Variants in PRKN observed in about 807,000 individuals in gnomAD.
PRKN encodes the protein E3 ubiquitin-protein ligase parkin.
PRKN carries 56 observed loss-of-function variants against 59.5 expected under a neutral mutation model. The ratio of observed to expected loss-of-function variants is 0.94; its 90% CI spans 0.76 to 1.18. PRKN has a LOEUF of 1.18. Among genes scored for constraint, PRKN ranks in the 50% most tolerant of loss-of-function variants. The pLI, the probability that PRKN is intolerant of heterozygous loss-of-function variation, is 0.00. For missense variants in PRKN, 657 were observed against 596.4 expected, an observed-to-expected ratio of 1.10 and a Z score of -1.06; for synonymous variants, 250 against 222.1, an observed-to-expected ratio of 1.13 and a Z score of -1.12.
chr6:161,768,325 C>T (rs935840103), intron 7 of PRKN, among the ~76,000 whole-genome samples: 2 of 152,152 alleles, frequency 1.3e-5, no homozygotes, highest in African/African-American at 4.8e-5. Flanking sequence ...TTTTCAATTA[C>T]ATGCGTGTGT....
chr6:162,257,782 C>T (rs74543398), intron 3 of PRKN, among the ~76,000 whole-genome samples: 1,800 of 152,200 alleles, frequency 0.012, 40 homozygotes, highest in African/African-American at 0.039. Flanking sequence ...GATTTGAAAA[C>T]CTTCCGGGTT....
rs564030900 is a variant in PRKN, at chr6:162,271,167, A to G, written c.172-8402T>C. Among the ~76,000 whole-genome samples the G allele has an allele frequency of 5.9e-5, 9 of 152,126 alleles. No individual in the cohort carries two copies. In the South Asian group the frequency reaches 1.9e-3, roughly 32 times the overall value. On this transcript the variant is annotated intron_variant, in intron 2 of 11. Coordinates refer to ENST00000366898, the MANE Select transcript of PRKN (RefSeq NM_004562.3). ...GGCCTGAGCCACTGCACCTGGCTTT[A>G]AGCAGATGTGGTTGGAAGCCCATCA...
Position 161,581,142 on chromosome 6 carries a change from C to T in PRKN, c.872-11726G>A, listed in dbSNP as rs1290546492. On this transcript the variant is annotated intron_variant, in intron 7 of 11. Transcript: ENST00000366898. The surrounding 1 kb of genome is among the most constrained non-coding windows in gnomAD (Gnocchi z 4.5). ...ACTGGGGAGGTTTGAACCTGGGAGG[C>T]AGAGGTTGCAGTGAGCCGAGATTGT... Among the ~76,000 whole-genome samples the T allele has an allele frequency of 2.0e-5, 3 of 149,896 alleles. No homozygotes were observed. Among genetic ancestry groups the T allele is most frequent in the African/African-American group, 7.4e-5 (3 of 40,490 alleles).
chr6:162,589,544 T>G (rs1414529025), intron 1 of PRKN, among the ~76,000 whole-genome samples: 1 of 152,086 alleles, frequency 6.6e-6, no homozygotes, highest in Non-Finnish European at 1.5e-5. Context: ...AACTTTAAAT[T>G]TAACTTTTAA....
Position 161,562,796 on chromosome 6 carries a change from C to T in PRKN, c.933+6559G>A, listed in dbSNP as rs1175851014. Reference sequence around the variant, plus strand: ...TCTCAAGATTCACTTCTTTTTGTCTCCGCTGCCAACTGTCTTAATCCAGAG... The same window carrying T: ...TCTCAAGATTCACTTCTTTTTGTCTTCGCTGCCAACTGTCTTAATCCAGAG... On this transcript the variant is annotated intron_variant, in intron 8 of 11. Coordinates refer to ENST00000366898, the MANE Select transcript of PRKN (RefSeq NM_004562.3). This position sits in a 1 kb window ranked among gnomAD's most constrained non-coding sequence, Gnocchi z 4.3. 6.6e-6 allele frequency among the ~76,000 whole-genome samples: 1 copy of T among 152,186 alleles called. No individual in the cohort carries two copies. The highest frequency in any genetic ancestry group is 6.5e-5 in the Admixed American group (1 of 15,270).
intron 1 of PRKN, among the ~76,000 whole-genome samples, chr6:162,637,935 C>T (rs538727019): frequency 9.2e-5 from 14 of 152,188 alleles, no homozygotes; most frequent in East Asian, 3.9e-4. Context: ...AAGCATTGAA[C>T]GCCAATGAAT....
intron 4 of PRKN, among the ~76,000 whole-genome samples, chr6:162,079,031 G>A (rs112609242): frequency 2.3e-4 from 35 of 151,950 alleles, no homozygotes; most frequent in African/African-American, 6.3e-4. Flanking sequence ...ACTCATAAGC[G>A]GTGACAGCTG....
intron 1 of PRKN, among the ~76,000 whole-genome samples, chr6:162,702,723 T>C (rs779571427): frequency 2.6e-5 from 4 of 152,202 alleles, no homozygotes; most frequent in Non-Finnish European, 5.9e-5. Context: ...GTCTACCTTA[T>C]CCTACTTCTC....
intron 1 of PRKN, among the ~76,000 whole-genome samples, chr6:162,674,383 G>C: frequency 6.6e-6 from 1 of 152,240 alleles, no homozygotes; most frequent in South Asian, 2.1e-4. Context: ...TGAGGGGTAC[G>C]GCTGTGGGGC....
chr6:162,619,439 G>A (rs999109094), intron 1 of PRKN, among the ~76,000 whole-genome samples: 4 of 151,926 alleles, frequency 2.6e-5, no homozygotes, highest in Non-Finnish European at 5.9e-5. Flanking sequence ...TACTACTTTA[G>A]CTAGTGTACA....
intron 2 of PRKN, among the ~76,000 whole-genome samples, chr6:162,405,137 A>G (rs1787993342): frequency 6.6e-6 from 1 of 152,100 alleles, no homozygotes; most frequent in Non-Finnish European, 1.5e-5. Context: ...TTAAGAGACA[A>G]CTCAAAAAAG....
chr6:161,511,604 G>A (rs1778395233), intron 9 of PRKN, among the ~76,000 whole-genome samples: 1 of 152,154 alleles, frequency 6.6e-6, no homozygotes, highest in Admixed American at 6.5e-5. Flanking sequence ...GGACACGTTA[G>A]GAATTATGGT....
intron 2 of PRKN, among the ~76,000 whole-genome samples, chr6:162,430,687 T>G (rs999656991): frequency 3.9e-5 from 6 of 152,046 alleles, no homozygotes; most frequent in Non-Finnish European, 7.4e-5. Context: ...CAGGCCACAT[T>G]AATAGGCAGA....
intron 1 of PRKN, among the ~76,000 whole-genome samples, chr6:162,716,792 A>G (rs1298239841): frequency 2.6e-5 from 4 of 151,678 alleles, no homozygotes; most frequent in African/African-American, 7.3e-5. Flanking sequence ...ACGCGCACAC[A>G]CACACACACA....
chr6:161,834,503 G>T (rs9458393), intron 6 of PRKN, among the ~76,000 whole-genome samples: 72,323 of 152,036 alleles, frequency 0.48, 18,728 homozygotes, highest in African/African-American at 0.69. Context: ...TTTGGGAAAT[G>T]GTAATAAACT....
At chr6:161,712,942 G>A (rs1233432560) in intron 7 of PRKN, among the ~76,000 whole-genome samples, 1 of 152,002 alleles carries the variant, frequency 6.6e-6, no homozygotes, top group African/African-American at 2.4e-5. Context: ...AATTCAACTC[G>A]ATTCTGATTC....
intron 5 of PRKN, among the ~76,000 whole-genome samples, chr6:162,046,107 C>G (rs1281274284): frequency 6.6e-6 from 1 of 152,160 alleles, no homozygotes; most frequent in Non-Finnish European, 1.5e-5. Context: ...AGAAGCACAC[C>G]TCTTTCTGAG....
chr6:161,694,730 G>A (rs1336651331), intron 7 of PRKN, among the ~76,000 whole-genome samples: 1 of 152,088 alleles, frequency 6.6e-6, no homozygotes, highest in African/African-American at 2.4e-5. Flanking sequence ...TTTTTCACCT[G>A]GACCGTATGG....
At chr6:162,015,127 A>G (rs1483635192) in intron 5 of PRKN, among the ~76,000 whole-genome samples, 1 of 152,138 alleles carries the variant, frequency 6.6e-6, no homozygotes, top group East Asian at 1.9e-4. Flanking sequence ...CAACCGTTCA[A>G]ATTTATTGTC....
Sources: allele counts gnomAD v4.1 joint callset (sites outside exome capture counted in the v4.1 genomes callset), GRCh38; gene constraint gnomAD v4.1.1; non-coding constraint Gnocchi (gnomAD v3.1); transcripts MANE v1.5; gene names NCBI Gene and HGNC (gene_info 2026-07-23, HGNC 2026-07-21).